The following DENND1B variants were observed in gnomAD, a reference collection of about 807,000 sequenced individuals.
DENND1B encodes DENN domain containing 1B.
A neutral mutation model predicts 90.1 loss-of-function variants in DENND1B; 59 were observed. That is an observed-to-expected ratio of 0.65 (90% CI 0.53 to 0.81). DENND1B has a LOEUF of 0.81. Ranked by LOEUF, DENND1B falls within the 40% of genes least tolerant of loss-of-function variation. The pLI is 0.00. For synonymous variants in DENND1B, 337 were observed against 324.6 expected (o/e 1.04, Z -0.41); for missense variants, 862 against 912.6 (o/e 0.94, Z 0.71).
At chr1:197,748,806 T>C (rs1349204593) in intron 2 of DENND1B, among the ~76,000 whole-genome samples, 1 of 152,214 alleles carries the variant, frequency 6.6e-6, no homozygotes, top group Non-Finnish European at 1.5e-5. Flanking sequence ...AAATTTATAT[T>C]ATTTTAAGCC....
At chr1:197,616,085 A>C (rs2125858998) in intron 11 of DENND1B, among the ~76,000 whole-genome samples, 1 of 151,180 alleles carries the variant, frequency 6.6e-6, no homozygotes, top group South Asian at 2.1e-4. Flanking sequence ...ACTTAATTAA[A>C]GGTGTGTTAT....
At chr1:197,635,065 C>T (rs1679663077) in intron 10 of DENND1B, among the ~76,000 whole-genome samples, 1 of 151,990 alleles carries the variant, frequency 6.6e-6, no homozygotes, top group Non-Finnish European at 1.5e-5. Flanking sequence ...GTAATCAGCA[C>T]CTAACTTGGA....
chr1:197,703,073 C>T (rs1287190993), intron 3 of DENND1B, among the ~76,000 whole-genome samples: 4 of 151,912 alleles, frequency 2.6e-5, no homozygotes, highest in African/African-American at 9.7e-5. Context: ...CTGCAACCTC[C>T]GCCTCCCTGG....
chr1:197,624,393 G>A (rs1169089592), intron 10 of DENND1B, among the ~76,000 whole-genome samples: 2 of 151,580 alleles, frequency 1.3e-5, no homozygotes, highest in African/African-American at 2.4e-5. Flanking sequence ...TCTAGATACA[G>A]TCCTCACACT....
intron 20 of DENND1B, among the ~76,000 whole-genome samples, chr1:197,526,673 T>C (rs1303746488): frequency 6.6e-6 from 1 of 152,144 alleles, no homozygotes; most frequent in African/African-American, 2.4e-5. Context: ...TCTCAAAATA[T>C]ATACTGAACA....
rs1667814892 is a variant in DENND1B, at chr1:197,508,190, A to G, written c.*2270T>C. The G allele has an allele frequency of 6.6e-6, 1 of 151,682 alleles. No homozygotes were observed. Among genetic ancestry groups the G allele is most frequent in the South Asian group, 2.1e-4 (1 of 4,826 alleles). The allele number at this position is 151,682 out of a possible 1,614,324, so 9.4% of individuals were successfully genotyped here. A position where few individuals can be genotyped will look rare whatever the true frequency, so the allele number is the denominator to read the frequency against. On this transcript the variant is annotated 3_prime_UTR_variant, in exon 23 of 23. Coordinates refer to ENST00000620048, the MANE Select transcript of DENND1B (RefSeq NM_001195215.2). ...TCAGACTGAGTTCTGAAAAAAACAA[A>G]CAAAAAACCATACCTCATTTCAAAA...
intron 2 of DENND1B, chr1:197,734,486 C>T (rs1662450805): frequency 1.0e-6 from 1 of 977,230 alleles, no homozygotes; most frequent in Non-Finnish European, 1.2e-6. Context: ...ATGATTACAA[C>T]CACATTTAAT....
At chr1:197,544,178 T>C (rs182298424) in intron 18 of DENND1B, among the ~76,000 whole-genome samples, 1 of 152,318 alleles carries the variant, frequency 6.6e-6, no homozygotes, top group East Asian at 1.9e-4. Flanking sequence ...TGTGTAGGGT[T>C]GAGAAGACAA....
Position 197,504,817 on chromosome 1 carries a change from AT to A in DENND1B, c.*5642del, listed in dbSNP as rs1354269775. 1 of 151,812 alleles carries A rather than the reference AT, an allele frequency of 6.6e-6. No homozygotes were observed. The highest frequency in any genetic ancestry group is 1.5e-5 in the Non-Finnish European group (1 of 67,852). The allele number at this position is 151,812 out of a possible 1,614,324, so 9.4% of individuals were successfully genotyped here. A position where few individuals can be genotyped will look rare whatever the true frequency, so the allele number is the denominator to read the frequency against. ...TTTATGGTAATGTAGATTTTATTCA[AT>A]ATTTATTTTTGCATATTTTTAAAAA... On this transcript the variant is annotated 3_prime_UTR_variant, in exon 23 of 23. Transcript: ENST00000620048.
At chr1:197,642,421 A>C (rs989491855) in intron 10 of DENND1B, among the ~76,000 whole-genome samples, 30 of 152,162 alleles carry the variant, frequency 2.0e-4, no homozygotes, top group African/African-American at 7.2e-4. Flanking sequence ...AGCTCTTAAG[A>C]ATTCTTTATA....
chr1:197,675,739 C>T (rs1437354179), intron 3 of DENND1B, among the ~76,000 whole-genome samples: 1 of 152,124 alleles, frequency 6.6e-6, no homozygotes, highest in East Asian at 1.9e-4. Context: ...TACATGTGAA[C>T]ACTATTCAGA....
chr1:197,737,538 AAGG>A (rs1436847985), intron 2 of DENND1B, among the ~76,000 whole-genome samples: 1 of 151,592 alleles, frequency 6.6e-6, no homozygotes, highest in Non-Finnish European at 1.5e-5. Context: ...CCCTGAAAAC[AAGG>A]AGATTTTTTG....
intron 3 of DENND1B, among the ~76,000 whole-genome samples, chr1:197,680,178 T>G (rs1201530593): frequency 6.7e-6 from 1 of 148,702 alleles, no homozygotes; most frequent in Non-Finnish European, 1.5e-5. Flanking sequence ...AAGCAGAGAT[T>G]TGAATAGAAA....
At chr1:197,774,251 G>A (rs1202233165) in intron 1 of DENND1B, among the ~76,000 whole-genome samples, 1 of 152,054 alleles carries the variant, frequency 6.6e-6, no homozygotes, top group Non-Finnish European at 1.5e-5. Context: ...TTTCTCTTAG[G>A]TGTAAAAGTT....
At chr1:197,781,432 A>T in the DENND1B span, among the ~76,000 whole-genome samples, 2 of 152,348 alleles carry the variant, frequency 1.3e-5, no homozygotes, top group African/African-American at 2.4e-5. Context: ...AACTGAATTT[A>T]TTGAAGCTCT....
intron 5 of DENND1B, among the ~76,000 whole-genome samples, chr1:197,668,961 A>T (rs902222378): frequency 3.9e-5 from 6 of 151,918 alleles, no homozygotes; most frequent in African/African-American, 1.4e-4. Flanking sequence ...CATTTTTTTT[A>T]CCCTCAGCAA....
chr1:197,772,667 A>G (rs1375726293), intron 2 of DENND1B, among the ~76,000 whole-genome samples: 1 of 152,176 alleles, frequency 6.6e-6, no homozygotes, highest in East Asian at 1.9e-4. Context: ...ACAAAAAAAT[A>G]TACAAAAATT....
chr1:197,550,856 GATA>G (rs1671178190), intron 16 of DENND1B, among the ~76,000 whole-genome samples: 1 of 150,728 alleles, frequency 6.6e-6, no homozygotes, highest in African/African-American at 2.4e-5. Flanking sequence ...GGTTAAATGA[GATA>G]ATATTTGTAG....
At chr1:197,725,892 A>G (rs1385638278) in intron 2 of DENND1B, among the ~76,000 whole-genome samples, 1 of 152,068 alleles carries the variant, frequency 6.6e-6, no homozygotes, top group Non-Finnish European at 1.5e-5. Context: ...AAGGTAATAA[A>G]ATAATGAACC....
Sources: gnomAD v4.1 joint callset for allele counts (sites outside exome capture counted in the v4.1 genomes callset) on GRCh38, gnomAD v4.1.1 for gene constraint, MANE v1.5 for transcripts, NCBI Gene and HGNC (gene_info 2026-07-23, HGNC 2026-07-21) for gene names.